The following ANKFN1 variants were observed in gnomAD, a reference collection of about 807,000 sequenced individuals.
ANKFN1 encodes the protein ankyrin repeat and fibronectin type-III domain-containing protein 1.
Under a neutral mutation model 108.7 loss-of-function variants are expected in ANKFN1, and 74 were observed. The ratio of observed to expected loss-of-function variants is 0.68; its 90% CI spans 0.56 to 0.83. The LOEUF is 0.83. Ranked by LOEUF, ANKFN1 falls within the 40% of genes least tolerant of loss-of-function variation. The pLI is 0.00. For synonymous variants in ANKFN1, 547 were observed against 516.2 expected (o/e 1.06, Z -0.81); for missense variants, 1,505 against 1,382.3 (o/e 1.09, Z -1.41).
intron 3 of ANKFN1, among the ~76,000 whole-genome samples, chr17:56,265,753 A>G (rs900031974): frequency 6.6e-6 from 1 of 152,322 alleles, no homozygotes; most frequent in African/African-American, 2.4e-5. Context: ...ATTTACTTTA[A>G]ATCATCTGTA....
intron 6 of ANKFN1, among the ~76,000 whole-genome samples, chr17:56,356,389 T>C (rs17821518): frequency 0.32 from 49,230 of 152,024 alleles, 9,533 homozygotes; most frequent in Middle Eastern, 0.48. Context: ...ATTCACTTAC[T>C]TCCAAGTGGT....
intron 8 of ANKFN1, among the ~76,000 whole-genome samples, chr17:56,381,325 C>CA (rs922350266): frequency 3.9e-5 from 6 of 152,098 alleles, no homozygotes; most frequent in African/African-American, 9.7e-5. Context: ...GATAAAACCA[C>CA]AAAAATGGGG....
At chr17:56,447,870 C>A (rs1316207237) in intron 10 of ANKFN1, among the ~76,000 whole-genome samples, 1 of 152,194 alleles carries the variant, frequency 6.6e-6, no homozygotes, top group African/African-American at 2.4e-5. Context: ...AGACACTGAG[C>A]TAGGAATTGT....
At chr17:56,266,405 C>T (rs1182983208) in intron 3 of ANKFN1, among the ~76,000 whole-genome samples, 1 of 152,136 alleles carries the variant, frequency 6.6e-6, no homozygotes, top group African/African-American at 2.4e-5. Context: ...ATCACTCTAC[C>T]TACATACCTT....
intron 1 of ANKFN1, among the ~76,000 whole-genome samples, chr17:56,205,063 C>T (rs1379930113): frequency 2.6e-5 from 4 of 152,010 alleles, no homozygotes; most frequent in South Asian, 2.1e-4. Context: ...GGCGACAGAG[C>T]GGGACTCCGT....
At chr17:56,160,997 T>G (rs912035833) in intron 1 of ANKFN1, among the ~76,000 whole-genome samples, 1 of 152,170 alleles carries the variant, frequency 6.6e-6, no homozygotes, top group African/African-American at 2.4e-5. Flanking sequence ...AGAGGGCTCT[T>G]TTGGCCTCTA....
At chr17:56,061,865 G>A (rs116661183) in intron 4 of ANKFN1, among the ~76,000 whole-genome samples, 5,002 of 152,238 alleles carry the variant, frequency 0.033, 261 homozygotes, top group African/African-American at 0.11. Flanking sequence ...TCTGATGTGA[G>A]CATTTAGTGC....
At position 56,443,007 on chromosome 17, in the gene ANKFN1, G is replaced by A. The variant is rs1025049250; in HGVS notation, c.1099+74G>A. On this transcript the variant is annotated intron_variant, in intron 10 of 20. Transcript: ENST00000682825. ...GCAACTCCATCTTCAGGGTGCCATT[G>A]CCATTCCCTTCCCCCACTGCTTGCA... The A allele has an allele frequency of 9.6e-5, 141 of 1,471,292 alleles. No individual in the cohort carries two copies. In the South Asian group the frequency reaches 1.6e-3, roughly 16 times the overall value. The allele number at this position is 1,471,292 out of a possible 1,614,324, so 91.1% of individuals were successfully genotyped here.
In ANKFN1 at chr17:56,510,724, T is replaced by G. The variant is rs2051724265; in HGVS notation, c.2896T>G (p.Cys966Gly). Residue 966 changes from cysteine to glycine, a missense_variant, in exon 21 of 21, where the codon TGT becomes GGT. Transcript: ENST00000682825. ...CGAGGGCCCAAATCCCGATCACTCA[T>G]GTGCCGAGTTTCTCCATAGCCTGAC... Reference protein sequence around the residue: ...QGEGPNPDHSCAEFLHSLTLT... With the variant: ...QGEGPNPDHSGAEFLHSLTLT... 2 of 1,536,100 alleles carry G rather than the reference T, an allele frequency of 1.3e-6. No homozygotes were observed. The highest frequency in any genetic ancestry group is 1.7e-6 in the Non-Finnish European group (2 of 1,146,894).
At chr17:56,072,127 T>C (rs1905127729) in intron 4 of ANKFN1, among the ~76,000 whole-genome samples, 1 of 152,380 alleles carries the variant, frequency 6.6e-6, no homozygotes, top group South Asian at 2.1e-4. Flanking sequence ...CTGTATACAG[T>C]ATTCTGCTGC....
At chr17:56,224,663 T>G (rs182104581) in intron 2 of ANKFN1, 1 of 152,320 alleles carries the variant, frequency 6.6e-6, no homozygotes, top group African/African-American at 2.4e-5. Flanking sequence ...CCAGATGGGA[T>G]CAACCACAGG....
intron 6 of ANKFN1, among the ~76,000 whole-genome samples, chr17:56,363,786 G>A (rs1198703713): frequency 6.6e-6 from 1 of 152,130 alleles, no homozygotes. Flanking sequence ...CAAAATCGAT[G>A]GAATTGGAGA....
chr17:56,211,484 TACCATGC>T (rs1455587967), intron 1 of ANKFN1, among the ~76,000 whole-genome samples: 8 of 152,232 alleles, frequency 5.3e-5, no homozygotes, highest in Non-Finnish European at 8.8e-5. Flanking sequence ...TTTGTACCAA[TACCATGC>T]TGTTTTGGTG....
intron 4 of ANKFN1, among the ~76,000 whole-genome samples, chr17:56,347,547 C>A (rs183524570): frequency 1.2e-4 from 18 of 152,192 alleles, no homozygotes; most frequent in African/African-American, 4.3e-4. Context: ...AAATGCTTGT[C>A]TCTTTCCATA....
intron 6 of ANKFN1, among the ~76,000 whole-genome samples, chr17:56,355,392 C>T (rs2046348843): frequency 6.6e-6 from 1 of 152,014 alleles, no homozygotes; most frequent in Admixed American, 6.6e-5. Flanking sequence ...TAGAAAGATG[C>T]TGAGGCAGGC....
At position 56,511,204 on chromosome 17, in the gene ANKFN1, C is replaced by A; in HGVS notation, c.3376C>A (p.Pro1126Thr). The change falls in exon 21 of 21, where the codon CCC (proline) becomes ACC (threonine). Residue 1126 changes from proline to threonine, a missense_variant. Coordinates refer to ENST00000682825, the MANE Select transcript of ANKFN1 (RefSeq NM_001370326.1). ...CATCACCCTGCCCAGCCCCACTGGC[C>A]CCGATGTGAGTCAGGAGGGCCCCAC... ...GRITLPSPTGPDVSQEGPTAS... is the reference protein window; with the variant it reads ...GRITLPSPTGTDVSQEGPTAS... The A allele has an allele frequency of 6.5e-7, 1 of 1,535,464 alleles. No individual in the cohort carries two copies. Among genetic ancestry groups the A allele is most frequent in the Non-Finnish European group, 8.7e-7 (1 of 1,146,532 alleles).
At chr17:56,429,375 G>A (rs1005738409) in intron 8 of ANKFN1, among the ~76,000 whole-genome samples, 1 of 152,208 alleles carries the variant, frequency 6.6e-6, no homozygotes, top group Admixed American at 6.5e-5. Flanking sequence ...AACTTTTCCT[G>A]TAAAGGATCA....
intron 4 of ANKFN1, among the ~76,000 whole-genome samples, chr17:56,347,384 G>GA (rs1245607735): frequency 6.6e-6 from 1 of 151,730 alleles, no homozygotes; most frequent in South Asian, 2.1e-4. Context: ...CACAATTCTA[G>GA]AAAAAAAGAG....
At chr17:56,326,416 TA>T in intron 4 of ANKFN1, 61 bp downstream of exon 4, 1 of 1,554,114 alleles carries the variant, frequency 6.4e-7, no homozygotes, top group Admixed American at 2.0e-5. Flanking sequence ...AATTACTGAT[TA>T]TTTTTAAATG....
Sources: gnomAD v4.1 joint callset for allele counts (sites outside exome capture counted in the v4.1 genomes callset) on GRCh38, gnomAD v4.1.1 for gene constraint, MANE v1.5 for transcripts, NCBI Gene and HGNC (gene_info 2026-07-23, HGNC 2026-07-21) for gene names.